The following TTN variants were observed in gnomAD, a reference collection of about 807,000 sequenced individuals.
TTN encodes connectin.
Under a neutral mutation model 3,223.0 loss-of-function variants are expected in TTN, and 1,525 were observed. The ratio of observed to expected loss-of-function variants is 0.47; its 90% CI spans 0.45 to 0.49. TTN has a LOEUF of 0.49. Ranked by LOEUF, TTN falls within the 20% of genes least tolerant of loss-of-function variation. TTN has a pLI of 0.00. For synonymous variants in TTN, 14,094 were observed against 15,161.0 expected, an observed-to-expected ratio of 0.93 and a Z score of 5.17; for missense variants, 40,786 against 43,424.0, an observed-to-expected ratio of 0.94 and a Z score of 5.40.
chr2:178,537,510 C>G lies in TTN; in HGVS notation c.99697G>C (p.Gly33233Arg), dbSNP rs1479703303. The G allele has an allele frequency of 6.2e-7, 1 of 1,613,680 alleles. No individual in the cohort carries two copies. Among genetic ancestry groups the G allele is most frequent in the Admixed American group, 1.7e-5 (1 of 59,996 alleles). The change falls in exon 355 of 363, where the codon GGT becomes CGT. Residue 33233 changes from glycine (G) to arginine (R), a missense_variant. Transcript: ENST00000589042. ...RPVPAMTWFH[G>R]QKLLQNSENI... ...TCTGAGTTTTGCAAAAGTTTCTGAC[C>G]ATGGAACCAAGTCATGGCAGGTACT...
chr2:178,551,540 G>A (rs1699445960), intron 335 of TTN, 90 bp downstream of exon 335: 1 of 1,103,740 alleles, frequency 9.1e-7, no homozygotes, highest in Non-Finnish European at 1.3e-6. Context: ...ATGTAAGAAG[G>A]TGATGCAGAG....
chr2:178,614,782 T>C, intron 260 of TTN, 29 bp from the exon 261 acceptor site: 1 of 1,601,730 alleles, frequency 6.2e-7, no homozygotes. Context: ...TTTATGATGT[T>C]ATCAAGTTCA....
chr2:178,622,604 TGG>T, intron 243 of TTN, 64 bp downstream of exon 243: 1 of 1,356,578 alleles, frequency 7.4e-7, no homozygotes, highest in Admixed American at 2.4e-5. Flanking sequence ...TTTTCCATTT[TGG>T]CTAGACCAAA....
At chr2:178,749,849 C>T (rs755555722) in intron 47 of TTN, 7 of 1,613,130 alleles carry the variant, frequency 4.3e-6, no homozygotes, top group Non-Finnish European at 5.9e-6. Flanking sequence ...CTGGGGCTCA[C>T]CAGATATTAA....
At position 178,651,545 on chromosome 2, in the gene TTN, G is replaced by T. The variant is rs1485979604; in HGVS notation, c.39464-9C>A. 4 of 1,612,708 alleles carry T rather than the reference G, an allele frequency of 2.5e-6. No individual in the cohort carries two copies. Among genetic ancestry groups the T allele is most frequent in the Admixed American group, 1.7e-5 (1 of 59,834 alleles). On this transcript the variant is annotated splice_polypyrimidine_tract_variant and intron_variant, in intron 206 of 362. Transcript: ENST00000589042. ...CTTGGGCACCTCGGGCACTATAAAAGATATTAGTAGTTGTTTAAGCTCATG... is the reference window on the plus strand; with the variant it reads ...CTTGGGCACCTCGGGCACTATAAAATATATTAGTAGTTGTTTAAGCTCATG...
Position 178,572,878 on chromosome 2 carries a change from C to T in TTN, c.73254G>A (p.Lys24418=), listed in dbSNP as rs746840190. Residue 24418 remains lysine, a synonymous_variant, in exon 326 of 363, where the codon AAG becomes AAA. Transcript: ENST00000589042. ...CTGGAGGCAGCATTCTGTCTTCAGC[C>T]TTTGGAGTTCCAGGAACAAGGGCAG... ...GEPALVPGTP[K]AEDRMLPPEI... 2 of 1,613,376 alleles carry T rather than the reference C, an allele frequency of 1.2e-6. No homozygotes were observed. The highest frequency in any genetic ancestry group is 8.5e-7 in the Non-Finnish European group (1 of 1,179,580).
At chr2:178,543,689 T>C (rs754612753) in intron 346 of TTN, 27 bp from the exon 347 acceptor site, 14 of 1,548,916 alleles carry the variant, frequency 9.0e-6, no homozygotes, top group Non-Finnish European at 1.2e-5. Context: ...AAGATTCATA[T>C]TTCCTATTTG....
chr2:178,613,163 A>T lies in TTN; in HGVS notation c.49646T>A (p.Ile16549Lys). The T allele has an allele frequency of 6.2e-7, 1 of 1,609,378 alleles. No homozygotes were observed. The highest frequency in any genetic ancestry group is 8.5e-7 in the Non-Finnish European group (1 of 1,178,134). Residue 16549 changes from isoleucine (I) to lysine (K), a missense_variant and splice_region_variant, in exon 264 of 363, where the codon ATA becomes AAA. Physicochemically the swap from Ile to Lys is moderately radical, Grantham distance 102 (BLOSUM62 -3). Coordinates refer to ENST00000589042, the MANE Select transcript of TTN (RefSeq NM_001267550.2). ...STEPILIKDP[I>K]DPPWPPGKPT... ...CACAAAAATTATATAAATAATACCT[A>T]TGGGATCCTTTATTAAGATTGGTTC... is the stretch of plus-strand genomic sequence containing the variant.
intron 37 of TTN, 117 bp downstream of exon 37, chr2:178,769,562 C>T: frequency 2.2e-6 from 2 of 894,478 alleles, no homozygotes; most frequent in South Asian, 6.4e-5. Flanking sequence ...CCCTGCCCAC[C>T]CAATCAAGGA....
rs762862394 is a variant in TTN, at chr2:178,562,573, T to C, written c.83559A>G (p.Glu27853=). 8 of 1,611,000 alleles carry C rather than the reference T, an allele frequency of 5.0e-6. No individual in the cohort carries two copies. The South Asian group carries it at 8.9e-5, about 18-fold the overall frequency. The change falls in exon 326 of 363, where the codon GAA becomes GAG. Residue 27853 remains glutamate (E), a synonymous_variant. Coordinates refer to ENST00000589042, the MANE Select transcript of TTN (RefSeq NM_001267550.2). ...CAGACACTTTAACGGGTTCTGTTGTTTCAGCTGGCAAACCAATCCCATATT... is the reference window on the plus strand; with the variant it reads ...CAGACACTTTAACGGGTTCTGTTGTCTCAGCTGGCAAACCAATCCCATATT... ...SNEYGIGLPA[E]TTEPVKVSEP...
chr2:178,531,102 A>C lies in TTN; in HGVS notation c.105513T>G (p.Thr35171=), dbSNP rs532236466. The C allele has an allele frequency of 2.5e-6, 4 of 1,613,900 alleles. No individual in the cohort carries two copies. In the African/African-American group the frequency reaches 5.3e-5, roughly 22 times the overall value. The change falls in exon 358 of 363, where the codon ACT becomes ACG. Residue 35171 remains threonine (T), a synonymous_variant. Transcript: ENST00000589042. Reference sequence around the variant, plus strand: ...TGGTGGTCACTTGGTGGCGGGCAGAAGTACTTAGCACTTGTCCTTTACGCA... The same window carrying C: ...TGGTGGTCACTTGGTGGCGGGCAGACGTACTTAGCACTTGTCCTTTACGCA... The part of the protein sequence containing the change: ...TWLRKGQVLS[T]SARHQVTTTK...
intron 218 of TTN, among the ~76,000 whole-genome samples, chr2:178,642,924 G>A (rs994400530): frequency 5.3e-5 from 8 of 151,898 alleles, no homozygotes; most frequent in South Asian, 2.1e-4. Flanking sequence ...TTGGAAGCTC[G>A]TTTTTCATGA....
In TTN at chr2:178,777,862, C is replaced by T. The variant is rs72647876; in HGVS notation, c.4322G>A (p.Arg1441His). Residue 1441 changes from arginine (R) to histidine (H), a missense_variant, in exon 25 of 363, where the codon CGT (arginine) becomes CAT (histidine). By Grantham distance (29) the Arg-to-His change is conservative. Transcript: ENST00000589042. ...RMSPARMSPG[R>H]RLEETDESQL... ...TGACTCATCTGTCTCCTCCAGCCTA[C>T]GTCCAGGGGACATTCTTGCAGGGGA... 93 of 1,614,034 alleles carry T rather than the reference C, an allele frequency of 5.8e-5. No individual in the cohort carries two copies. The East Asian group carries it at 7.8e-4, about 14-fold the overall frequency.
intron 121 of TTN, 95 bp from the exon 122 acceptor site, chr2:178,689,991 G>A: frequency 1.9e-6 from 2 of 1,043,502 alleles, no homozygotes; most frequent in East Asian, 2.4e-5. Flanking sequence ...GTACATTAAT[G>A]TTGTTATGGA....
rs1167964024 is a variant in TTN at position 178,632,773 on chromosome 2, G to A, written c.43233C>T (p.Ile14411=). Residue 14411 remains isoleucine, a synonymous_variant, in exon 235 of 363, where the codon ATC becomes ATT. Transcript: ENST00000589042. ...AGACTTTAACATCACTGAGAGGTGTGATGAAGATAAGAGGCAATTCTGAAA... is the reference window on the plus strand; with the variant it reads ...AGACTTTAACATCACTGAGAGGTGTAATGAAGATAAGAGGCAATTCTGAAA... The part of the protein sequence containing the change: ...LKVKELPLIF[I]TPLSDVKVFE... 3 of 1,612,974 alleles carry A rather than the reference G, an allele frequency of 1.9e-6. No homozygotes were observed. The highest frequency in any genetic ancestry group is 2.2e-5 in the South Asian group (2 of 91,040).
rs1199461867 is a variant in TTN at position 178,590,058 on chromosome 2, C to T, written c.61667G>A (p.Gly20556Glu). Residue 20556 changes from glycine to glutamate, a missense_variant, in exon 304 of 363, where the codon GGA becomes GAA. Gly to Glu is a moderately conservative substitution (Grantham distance 98). Transcript: ENST00000589042. ...AACGATGGCTGAACCTTGGGCATGT[C>T]CACTGCTGTTCTTAGCTGAGATGAT... ...KYIISAKNSS[G>E]HAQGSAIVNV... 1.2e-6 allele frequency: 2 copies of T among 1,613,180 alleles called. No individual in the cohort carries two copies. Among genetic ancestry groups the T allele is most frequent in the Non-Finnish European group, 1.7e-6 (2 of 1,179,478 alleles).
rs780080272 is a variant in TTN, at chr2:178,664,657, C to T, written c.36199G>A (p.Glu12067Lys). 8 of 1,612,096 alleles carry T rather than the reference C, an allele frequency of 5.0e-6. No homozygotes were observed. The highest frequency in any genetic ancestry group is 6.8e-6 in the Non-Finnish European group (8 of 1,179,554). Residue 12067 changes from glutamate (E) to lysine (K), a missense_variant, in exon 167 of 363, where the codon GAA (glutamate) becomes AAA (lysine). Transcript: ENST00000589042. ...PLRKPEVLPDEVPEALREVVP... is the reference protein window; with the variant it reads ...PLRKPEVLPDKVPEALREVVP... ...CTAAGCTTCCAGCAAGATATACCTT[C>T]ATCAGGAAGGACTTCAGGCTTTCTG...
intron 156 of TTN, 102 bp downstream of exon 156, chr2:178,670,988 T>G: frequency 1.2e-6 from 1 of 835,148 alleles, no homozygotes; most frequent in Non-Finnish European, 1.9e-6. Flanking sequence ...AAACAAGAAA[T>G]ACAGAAGAAA....
chr2:178,751,639 C>A, intron 47 of TTN: 1 of 1,613,358 alleles, frequency 6.2e-7, no homozygotes, highest in Non-Finnish European at 8.5e-7. Flanking sequence ...ATTCTGCAGA[C>A]CCTTCACTAT....
Sources: gnomAD v4.1 joint callset for allele counts (sites outside exome capture counted in the v4.1 genomes callset) on GRCh38, gnomAD v4.1.1 for gene constraint, MANE v1.5 for transcripts, NCBI Gene and HGNC (gene_info 2026-07-23, HGNC 2026-07-21) for gene names.